ARID5B: variants seen among roughly 807,000 people sequenced by gnomAD.
ARID5B encodes AT-rich interactive domain-containing protein 5B.
In ARID5B, 13 loss-of-function variants were observed where a neutral mutation model predicts 97.2. The ratio of observed to expected loss-of-function variants is 0.13; its 90% CI spans 0.09 to 0.21. The LOEUF (loss-of-function observed/expected upper bound fraction) is 0.21. ARID5B is among the 10% of genes least tolerant of loss of function. The pLI, the probability that ARID5B is intolerant of heterozygous loss-of-function variation, is 1.00. For missense variants in ARID5B, 1,210 were observed against 1,465.3 expected, an observed-to-expected ratio of 0.83 and a Z score of 2.84; for synonymous variants, 556 against 570.3, an observed-to-expected ratio of 0.97 and a Z score of 0.36.
intron 3 of ARID5B, among the ~76,000 whole-genome samples, chr10:61,990,005 G>T (rs573185819): frequency 6.6e-6 from 1 of 152,244 alleles, no homozygotes; most frequent in South Asian, 2.1e-4. Context: ...GATGCATTAG[G>T]GAGTGGAGTA....
At chr10:61,945,036 C>A (rs1029539652) in intron 3 of ARID5B, among the ~76,000 whole-genome samples, 1 of 152,292 alleles carries the variant, frequency 6.6e-6, no homozygotes. Flanking sequence ...GGGACTTTCA[C>A]TGTACTTTTT....
intron 3 of ARID5B, among the ~76,000 whole-genome samples, chr10:61,986,121 G>A (rs928166145): frequency 2.0e-5 from 3 of 152,074 alleles, no homozygotes; most frequent in Non-Finnish European, 4.4e-5. Context: ...GAGGTTCAGA[G>A]TCAAGCAGAA....
At chr10:61,902,673 ATGTGTG>A (rs59459790) in intron 2 of ARID5B, among the ~76,000 whole-genome samples, 77 of 148,422 alleles carry the variant, frequency 5.2e-4, no homozygotes, top group Middle Eastern at 3.4e-3. Context: ...TTGTTCAAGG[ATGTGTG>A]TGTGTGTGTG....
chr10:61,942,425 T>C (rs1844426278), intron 3 of ARID5B, among the ~76,000 whole-genome samples: 1 of 152,232 alleles, frequency 6.6e-6, no homozygotes, highest in Non-Finnish European at 1.5e-5. Context: ...AAAACAATAC[T>C]GATTACTGAG....
intron 3 of ARID5B, among the ~76,000 whole-genome samples, chr10:61,994,471 A>T (rs1320507131): frequency 1.3e-5 from 2 of 152,192 alleles, no homozygotes; most frequent in Admixed American, 1.3e-4. Flanking sequence ...TCTATTTTCA[A>T]AAAATAGCAT....
At chr10:61,903,162 G>A (rs540901126) in intron 2 of ARID5B, among the ~76,000 whole-genome samples, 15 of 152,262 alleles carry the variant, frequency 9.9e-5, no homozygotes, top group African/African-American at 3.6e-4. Flanking sequence ...GATCTTTGGG[G>A]GTGTGTGGGA....
intron 6 of ARID5B, among the ~76,000 whole-genome samples, chr10:62,058,295 G>A (rs1482131685): frequency 2.0e-5 from 3 of 152,178 alleles, no homozygotes; most frequent in African/African-American, 4.8e-5. Context: ...AATCAAGGCC[G>A]AGGCAGGGCT....
chr10:61,929,589 C>T (rs1419317611), intron 2 of ARID5B, among the ~76,000 whole-genome samples: 8 of 152,160 alleles, frequency 5.3e-5, no homozygotes, highest in Non-Finnish European at 8.8e-5. Context: ...ATGGTACAGA[C>T]GTAGATGGCT....
chr10:61,905,121 G>T (rs1249324540), intron 2 of ARID5B, among the ~76,000 whole-genome samples: 4 of 152,180 alleles, frequency 2.6e-5, no homozygotes, highest in African/African-American at 9.7e-5. Context: ...TGATGCATTT[G>T]CCATTTGCAA....
Position 62,094,827 on chromosome 10 carries a change from T to C in ARID5B, c.*1797T>C, listed in dbSNP as rs1001473956. On this transcript the variant is annotated 3_prime_UTR_variant, in exon 10 of 10. Transcript: ENST00000279873. ...TAGAACCATAGTTAACTAAGTCTTTTACCTCTGAGATACTTAATTCTGGGA... is the reference window on the plus strand; with the variant it reads ...TAGAACCATAGTTAACTAAGTCTTTCACCTCTGAGATACTTAATTCTGGGA... 1 of 231,544 alleles carries C rather than the reference T, an allele frequency of 4.3e-6. No individual in the cohort carries two copies. The highest frequency in any genetic ancestry group is 8.6e-6 in the Non-Finnish European group (1 of 116,822). 14.3% of individuals were successfully genotyped at this position (231,544 alleles called of 1,614,324 possible). A position where few individuals can be genotyped will look rare whatever the true frequency, so the allele number is the denominator to read the frequency against.
chr10:62,031,553 T>A (rs1179906786), intron 4 of ARID5B, among the ~76,000 whole-genome samples: 2 of 152,210 alleles, frequency 1.3e-5, no homozygotes, highest in Admixed American at 6.5e-5. Context: ...ACCTCTTCAC[T>A]GTAGGTAACT....
At chr10:62,002,242 C>T (rs1839089096) in intron 4 of ARID5B, among the ~76,000 whole-genome samples, 1 of 152,290 alleles carries the variant, frequency 6.6e-6, no homozygotes, top group East Asian at 1.9e-4. Context: ...TAACAGCGAT[C>T]ACAATGGTTG....
At position 62,069,901 on chromosome 10, in the gene ARID5B, C is replaced by T. The variant is rs74156103; in HGVS notation, c.1199+104C>T. 6.1e-3 allele frequency: 6,861 copies of T among 1,129,564 alleles called. 257 individuals are homozygous for T. The African/African-American group carries it at 0.093, about 15-fold the overall frequency. The allele number at this position is 1,129,564 out of a possible 1,614,324, so 70.0% of individuals were successfully genotyped here. On this transcript the variant is annotated intron_variant, in intron 8 of 9. Coordinates refer to ENST00000279873, the MANE Select transcript of ARID5B (RefSeq NM_032199.3). ...GAAGTCTAAATGACCTTTTGGGAAA[C>T]TGAAAATTTCCCTCTGGCATTTTAC...
chr10:61,919,674 G>T (rs933985866), intron 2 of ARID5B, among the ~76,000 whole-genome samples: 11 of 152,114 alleles, frequency 7.2e-5, no homozygotes, highest in African/African-American at 2.7e-4. Flanking sequence ...AACTGAATTC[G>T]ATATTTCTTA....
intron 3 of ARID5B, among the ~76,000 whole-genome samples, chr10:61,970,481 A>G (rs1257714885): frequency 1.3e-5 from 2 of 152,242 alleles, no homozygotes; most frequent in Non-Finnish European, 2.9e-5. Flanking sequence ...TAGAAGATAT[A>G]GAAGGATTAT....
intron 5 of ARID5B, among the ~76,000 whole-genome samples, chr10:62,054,352 A>G (rs1032880494): frequency 3.3e-5 from 5 of 152,218 alleles, no homozygotes; most frequent in Non-Finnish European, 5.9e-5. Flanking sequence ...AGTCCTACCC[A>G]GAATCAGAAT....
intron 4 of ARID5B, among the ~76,000 whole-genome samples, chr10:62,047,184 G>T (rs1839721275): frequency 6.6e-6 from 1 of 152,162 alleles, no homozygotes. Context: ...GTAAGATGGG[G>T]ATAAGGATCA....
intron 2 of ARID5B, among the ~76,000 whole-genome samples, chr10:61,928,190 G>A (rs1024116331): frequency 2.6e-5 from 4 of 152,112 alleles, no homozygotes; most frequent in Non-Finnish European, 4.4e-5. Flanking sequence ...AGTGGTGATG[G>A]CTGAGCTGCT....
intron 4 of ARID5B, among the ~76,000 whole-genome samples, chr10:62,020,219 A>G (rs1449938821): frequency 6.6e-6 from 1 of 152,208 alleles, no homozygotes. Flanking sequence ...GCTTATTTAA[A>G]GCAAGAAAGG....
Sources: gnomAD v4.1 joint callset for allele counts (sites outside exome capture counted in the v4.1 genomes callset) on GRCh38, gnomAD v4.1.1 for gene constraint, MANE v1.5 for transcripts, NCBI Gene and HGNC (gene_info 2026-07-23, HGNC 2026-07-21) for gene names.